Variants in CPXM2 observed in about 807,000 individuals in gnomAD.
CPXM2 encodes the protein carboxypeptidase X, M14 family member 2.
A neutral mutation model predicts 86.1 loss-of-function variants in CPXM2; 66 were observed. The ratio of observed to expected loss-of-function variants is 0.77; its 90% CI spans 0.63 to 0.94. The LOEUF (loss-of-function observed/expected upper bound fraction) is 0.94, where lower values mean the gene tolerates loss of function less well. Among genes scored for constraint, CPXM2 ranks in the 40% least tolerant of loss-of-function variants. The probability of loss-of-function intolerance (pLI) is 0.00; values close to 1 mark genes in which losing one functional copy is unlikely to be tolerated. For synonymous variants in CPXM2, 388 were observed against 400.2 expected, an observed-to-expected ratio of 0.97 and a Z score of 0.36; for missense variants, 948 against 1,026.3, an observed-to-expected ratio of 0.92 and a Z score of 1.04.
chr10:123,888,387 C>T (rs1312704797), intron 1 of CPXM2, among the ~76,000 whole-genome samples: 2 of 152,160 alleles, frequency 1.3e-5, no homozygotes, highest in African/African-American at 4.8e-5. Context: ...CACCTCAGTG[C>T]CTCATACATA....
At chr10:123,763,842 C>T (rs1564755457) in intron 10 of CPXM2, among the ~76,000 whole-genome samples, 1 of 151,872 alleles carries the variant, frequency 6.6e-6, no homozygotes, top group Non-Finnish European at 1.5e-5. Context: ...CACATATCAC[C>T]AGAAGTGAAA....
intron 7 of CPXM2, among the ~76,000 whole-genome samples, chr10:123,776,499 G>A (rs543040524): frequency 7.9e-5 from 12 of 152,278 alleles, no homozygotes; most frequent in Middle Eastern, 3.4e-3. Flanking sequence ...AATGTTATGC[G>A]CAGTGACACT....
At chr10:123,830,061 A>G (rs900200707) in intron 4 of CPXM2, among the ~76,000 whole-genome samples, 14 of 152,164 alleles carry the variant, frequency 9.2e-5, no homozygotes, top group Non-Finnish European at 2.1e-4. Context: ...ACTAGAAGAA[A>G]ATATAAGGAA....
chr10:123,834,023 T>A (rs931056590), intron 4 of CPXM2, among the ~76,000 whole-genome samples: 1 of 152,190 alleles, frequency 6.6e-6, no homozygotes, highest in African/African-American at 2.4e-5. Context: ...TACATCTCCA[T>A]CTTACAGATG....
chr10:123,767,232 C>G, intron 9 of CPXM2, 80 bp from the exon 10 acceptor site: 1 of 1,285,072 alleles, frequency 7.8e-7, no homozygotes, highest in Non-Finnish European at 1.1e-6. Context: ...GCATCTGTCT[C>G]CACTTCCCCT....
intron 2 of CPXM2, among the ~76,000 whole-genome samples, chr10:123,914,505 C>T (rs1404250136): frequency 1.3e-5 from 2 of 152,148 alleles, no homozygotes; most frequent in Non-Finnish European, 2.9e-5. Flanking sequence ...TTGACATCTC[C>T]ACTCAGATGC....
intron 6 of CPXM2, among the ~76,000 whole-genome samples, chr10:123,795,821 G>T (rs1032739061): frequency 6.6e-6 from 1 of 152,112 alleles, no homozygotes. Context: ...GCCCTCCAGG[G>T]CCCATCTTCA....
chr10:123,799,879 G>A (rs1226580143), intron 4 of CPXM2, among the ~76,000 whole-genome samples: 9 of 151,946 alleles, frequency 5.9e-5, no homozygotes, highest in Non-Finnish European at 1.3e-4. Flanking sequence ...TGATAGCCTT[G>A]GCAAGAAAAG....
At chr10:123,762,256 A>G in intron 10 of CPXM2, 87 bp from the exon 11 acceptor site, 1 of 1,568,464 alleles carries the variant, frequency 6.4e-7, no homozygotes, top group Non-Finnish European at 8.7e-7. Context: ...TCGAAAAAGC[A>G]GTGCTTTTGT....
At chr10:123,813,060 C>T (rs1847729129) in intron 4 of CPXM2, among the ~76,000 whole-genome samples, 2 of 152,114 alleles carry the variant, frequency 1.3e-5, no homozygotes, top group Admixed American at 1.3e-4. Flanking sequence ...TACAATAGGC[C>T]TACATACAGG....
In CPXM2 at chr10:123,939,537, A is replaced by G. The variant is rs192810643; in HGVS notation, n.120-6T>C. The G allele has an allele frequency of 2.6e-5, 4 of 152,262 alleles. No homozygotes were observed. In the East Asian group the frequency reaches 7.7e-4, roughly 29 times the overall value. The allele number at this position is 152,262 out of a possible 1,614,324, so 9.4% of individuals were successfully genotyped here. A position where few individuals can be genotyped will look rare whatever the true frequency, so the allele number is the denominator to read the frequency against. On this transcript the variant is annotated splice_region_variant and splice_polypyrimidine_tract_variant and intron_variant and non_coding_transcript_variant, in intron 1 of 19. Coordinates refer to the CPXM2 transcript ENST00000368854. ...TCAGCCTCAGTTTCTTCATCCTTAA[A>G]ATAGGAGGAGAGAAAGGCACACGCC...
chr10:123,854,424 A>T (rs1453006651), intron 3 of CPXM2, among the ~76,000 whole-genome samples: 7 of 122,500 alleles, frequency 5.7e-5, no homozygotes, highest in South Asian at 2.2e-4. Flanking sequence ...AAAATATATA[A>T]TATATATATA....
chr10:123,754,808 T>G lies in CPXM2; in HGVS notation c.1918-46A>C. 3.6e-6 allele frequency: 4 copies of G among 1,098,580 alleles called. No homozygotes were observed. The highest frequency in any genetic ancestry group is 1.5e-5 in the African/African-American group (1 of 65,140). 68.1% of individuals were successfully genotyped at this position (1,098,580 alleles called of 1,614,324 possible). A position where few individuals can be genotyped will look rare whatever the true frequency, so the allele number is the denominator to read the frequency against. On this transcript the variant is annotated intron_variant, in intron 12 of 13. Transcript: ENST00000241305. This position sits in a 1 kb window ranked among gnomAD's most constrained non-coding sequence, Gnocchi z 4.0. ...ACAGGGTGAGGTCACCGACCAGCTC[T>G]GGACACAACCGGCACAACAGAGTGG...
chr10:123,926,918 T>C (rs1945626345), intron 2 of CPXM2, among the ~76,000 whole-genome samples: 1 of 152,182 alleles, frequency 6.6e-6, no homozygotes. Flanking sequence ...TCCCGAGAGT[T>C]CCAGCCAAAT....
chr10:123,842,940 C>T (rs1036165101), intron 3 of CPXM2, among the ~76,000 whole-genome samples: 1 of 152,206 alleles, frequency 6.6e-6, no homozygotes, highest in Non-Finnish European at 1.5e-5. Context: ...CAAACCGCTG[C>T]GGGAGCATTT....
At chr10:123,828,745 T>C (rs1848098613) in intron 4 of CPXM2, among the ~76,000 whole-genome samples, 2 of 152,198 alleles carry the variant, frequency 1.3e-5, no homozygotes, top group South Asian at 4.1e-4. Flanking sequence ...GCATTAAATG[T>C]AAAACATAAA....
intron 2 of CPXM2, among the ~76,000 whole-genome samples, chr10:123,869,107 T>TA (rs1944847893): frequency 6.6e-6 from 1 of 152,184 alleles, no homozygotes. Flanking sequence ...TCAGAGATTT[T>TA]AAAAAAATCT....
intron 4 of CPXM2, among the ~76,000 whole-genome samples, chr10:123,821,091 T>C (rs1279460080): frequency 6.6e-6 from 1 of 152,170 alleles, no homozygotes; most frequent in Non-Finnish European, 1.5e-5. Flanking sequence ...TCCAGTCTTG[T>C]CCTGCCACCT....
intron 6 of CPXM2, among the ~76,000 whole-genome samples, chr10:123,782,222 T>C (rs1377994734): frequency 6.6e-6 from 1 of 152,216 alleles, no homozygotes; most frequent in Non-Finnish European, 1.5e-5. Context: ...CCTGCCAGTT[T>C]CAAAGCAAAG....
Sources: gnomAD v4.1 joint callset for allele counts (sites outside exome capture counted in the v4.1 genomes callset) on GRCh38, gnomAD v4.1.1 for gene constraint, Gnocchi (gnomAD v3.1) non-coding constraint, MANE v1.5 for transcripts, NCBI Gene and HGNC (gene_info 2026-07-23, HGNC 2026-07-21) for gene names.